Variants in HMGCLL1 observed in about 807,000 individuals in gnomAD.
HMGCLL1 encodes the protein 3-hydroxy-3-methylglutaryl-CoA lyase like 1.
HMGCLL1 carries 36 observed loss-of-function variants against 39.1 expected under a neutral mutation model. The observed-to-expected ratio is 0.92, with a 90% confidence interval of 0.71 to 1.22. The LOEUF is 1.22. HMGCLL1 is among the 50% of genes most tolerant of loss of function. The probability of loss-of-function intolerance (pLI) is 0.00; values close to 1 mark genes in which losing one functional copy is unlikely to be tolerated. For synonymous variants in HMGCLL1, 149 were observed against 144.0 expected (o/e 1.03, Z -0.25); for missense variants, 451 against 416.5 (o/e 1.08, Z -0.72).
At chr6:55,554,551 T>G (rs1770548431) in intron 1 of HMGCLL1, among the ~76,000 whole-genome samples, 1 of 152,030 alleles carries the variant, frequency 6.6e-6, no homozygotes, top group Admixed American at 6.6e-5. Context: ...TATAGTTAAT[T>G]CAATGAAAAA....
chr6:55,655,375 T>C, the HMGCLL1 span, among the ~76,000 whole-genome samples: 5 of 151,644 alleles, frequency 3.3e-5, no homozygotes, highest in African/African-American at 7.3e-5. Flanking sequence ...ACTCCTTATT[T>C]TAAGGTAAAT....
chr6:55,596,910 A>G, the HMGCLL1 span, among the ~76,000 whole-genome samples: 2 of 152,150 alleles, frequency 1.3e-5, no homozygotes, highest in Non-Finnish European at 2.9e-5. Context: ...TAAAATATAT[A>G]TAGCCTGTAA....
chr6:55,450,162 G>GA (rs1427285620), intron 7 of HMGCLL1, among the ~76,000 whole-genome samples: 9 of 152,170 alleles, frequency 5.9e-5, no homozygotes, highest in African/African-American at 2.2e-4. Context: ...AGCCAGGGTA[G>GA]AAAACGTTTC....
intron 3 of HMGCLL1, among the ~76,000 whole-genome samples, chr6:55,523,971 A>C (rs977165812): frequency 1.3e-5 from 2 of 151,958 alleles, no homozygotes; most frequent in African/African-American, 4.8e-5. Context: ...TAATTGCATA[A>C]AATTACAAAA....
At chr6:55,595,642 T>C in the HMGCLL1 span, among the ~76,000 whole-genome samples, 2 of 152,316 alleles carry the variant, frequency 1.3e-5, no homozygotes, top group South Asian at 2.1e-4. Context: ...CACAAAATTT[T>C]TGATGGAGCA....
chr6:55,638,815 TTAAA>T, the HMGCLL1 span, among the ~76,000 whole-genome samples: 1 of 152,132 alleles, frequency 6.6e-6, no homozygotes, highest in Non-Finnish European at 1.5e-5. Flanking sequence ...AAGAGATAAA[TTAAA>T]TAGTTTAGGG....
At chr6:55,596,509 A>G in the HMGCLL1 span, among the ~76,000 whole-genome samples, 2 of 151,298 alleles carry the variant, frequency 1.3e-5, no homozygotes, top group Non-Finnish European at 2.9e-5. Flanking sequence ...ATATTACATG[A>G]TGTAAAAGAT....
At chr6:55,614,349 T>A in the HMGCLL1 span, among the ~76,000 whole-genome samples, 2 of 152,028 alleles carry the variant, frequency 1.3e-5, no homozygotes, top group East Asian at 3.9e-4. Flanking sequence ...TCTCTGCCAG[T>A]TAAGGATATA....
chr6:55,581,877 A>C (rs1290359988), upstream of HMGCLL1, among the ~76,000 whole-genome samples: 1 of 151,742 alleles, frequency 6.6e-6, no homozygotes, highest in African/African-American at 2.4e-5. Context: ...ATTAAAGTAA[A>C]TTTTCTGTTT....
At chr6:55,568,189 T>G (rs760082232) in intron 1 of HMGCLL1, among the ~76,000 whole-genome samples, 5 of 152,162 alleles carry the variant, frequency 3.3e-5, no homozygotes, top group Non-Finnish European at 7.3e-5. Flanking sequence ...TATGGCTATA[T>G]CTGAGAGAAG....
the HMGCLL1 span, among the ~76,000 whole-genome samples, chr6:55,636,431 C>T: frequency 6.6e-6 from 1 of 152,120 alleles, no homozygotes; most frequent in Non-Finnish European, 1.5e-5. Flanking sequence ...CCTGGCTATA[C>T]CAGTGGCAAC....
chr6:55,547,520 C>T (rs75525442), intron 1 of HMGCLL1, among the ~76,000 whole-genome samples: 5,367 of 151,880 alleles, frequency 0.035, 140 homozygotes, highest in Non-Finnish European at 0.051. Flanking sequence ...ATGTTTCATG[C>T]ACTTCATTTC....
chr6:55,495,586 T>A lies in HMGCLL1; in HGVS notation c.628A>T (p.Met210Leu), dbSNP rs1293737519. The A allele has an allele frequency of 1.2e-6, 2 of 1,610,440 alleles. No individual in the cohort carries two copies. The highest frequency in any genetic ancestry group is 2.7e-5 in the African/African-American group (2 of 74,740). The change falls in exon 7 of 9, where the codon ATG becomes TTG. Residue 210 changes from methionine (M) to leucine (L), a missense_variant. Transcript: ENST00000274901. The stretch of plus-strand genomic sequence containing the variant: ...CCTAGAGAGATCTCATAACAACCCA[T>A]GCCGTACAATCTCTTAGACACCTGT... Reference protein sequence around the residue: ...VTEVSKRLYGMGCYEISLGDT... With the variant: ...VTEVSKRLYGLGCYEISLGDT...
chr6:55,589,810 A>G, the HMGCLL1 span, among the ~76,000 whole-genome samples: 1 of 152,194 alleles, frequency 6.6e-6, no homozygotes, highest in Non-Finnish European at 1.5e-5. Context: ...CAATTGCTTC[A>G]AAGGGAATAA....
chr6:55,669,550 C>A, the HMGCLL1 span, among the ~76,000 whole-genome samples: 1 of 151,674 alleles, frequency 6.6e-6, no homozygotes, highest in African/African-American at 2.4e-5. Context: ...AACAAGATAA[C>A]ACAGATGAAA....
intron 1 of HMGCLL1, among the ~76,000 whole-genome samples, chr6:55,560,536 C>T (rs1292929517): frequency 6.6e-6 from 1 of 152,164 alleles, no homozygotes; most frequent in African/African-American, 2.4e-5. Context: ...TCCCTCTGTT[C>T]CATATTATAT....
intron 1 of HMGCLL1, among the ~76,000 whole-genome samples, chr6:55,550,893 T>C (rs1475292220): frequency 6.6e-6 from 1 of 151,492 alleles, no homozygotes; most frequent in East Asian, 1.9e-4. Flanking sequence ...AAAGAAGACA[T>C]CCAAAATCCA....
At chr6:55,525,022 T>G (rs1768243472) in intron 3 of HMGCLL1, among the ~76,000 whole-genome samples, 1 of 151,550 alleles carries the variant, frequency 6.6e-6, no homozygotes, top group African/African-American at 2.4e-5. Context: ...CAAAAAATGA[T>G]CAAACAGAGT....
At chr6:55,538,980 A>C (rs1428581941) in intron 3 of HMGCLL1, among the ~76,000 whole-genome samples, 1 of 152,170 alleles carries the variant, frequency 6.6e-6, no homozygotes, top group African/African-American at 2.4e-5. Context: ...TGTTACTTCA[A>C]ATGTAATACA....
Sources: allele counts gnomAD v4.1 joint callset (sites outside exome capture counted in the v4.1 genomes callset), GRCh38; gene constraint gnomAD v4.1.1; transcripts MANE v1.5; gene names NCBI Gene and HGNC (gene_info 2026-07-23, HGNC 2026-07-21).